Variants in SPTBN4 observed in about 807,000 individuals in gnomAD.
SPTBN4 encodes spectrin beta, non-erythrocytic 4.
In SPTBN4, 96 loss-of-function variants were observed where a neutral mutation model predicts 277.8. The ratio of observed to expected loss-of-function variants is 0.35; its 90% CI spans 0.29 to 0.41. The LOEUF is 0.41. Among genes scored for constraint, SPTBN4 ranks in the 10% least tolerant of loss-of-function variants. SPTBN4 has a pLI of 1.00. For missense variants in SPTBN4, 3,006 were observed against 3,595.7 expected (o/e 0.84, Z 4.19); for synonymous variants, 1,481 against 1,580.3 (o/e 0.94, Z 1.49).
rs2080387368 is a variant in SPTBN4 at position 40,511,206 on chromosome 19, C to T, written c.1817-1400C>T. Among the ~76,000 whole-genome samples, 3 of 151,710 alleles carry T rather than the reference C, an allele frequency of 2.0e-5. No individual in the cohort carries two copies. In the South Asian group the frequency reaches 6.3e-4, roughly 32 times the overall value. On this transcript the variant is annotated intron_variant, in intron 13 of 35. Coordinates refer to ENST00000598249, the MANE Select transcript of SPTBN4 (RefSeq NM_020971.3). ...GGATCATGAGGTCAGGAGTTCGAGA[C>T]CAGTCTGGCCAACATAGCGAAACCC...
intron 4 of SPTBN4, among the ~76,000 whole-genome samples, chr19:40,492,712 A>C (rs575073551): frequency 1.3e-5 from 2 of 152,210 alleles, no homozygotes; most frequent in East Asian, 1.9e-4. Context: ...TTAGACCAGG[A>C]AAGTGGCCCA....
chr19:40,536,907 C>A (rs1280705042), intron 20 of SPTBN4, among the ~76,000 whole-genome samples: 2 of 151,982 alleles, frequency 1.3e-5, no homozygotes, highest in Non-Finnish European at 2.9e-5. Context: ...TCCCTCAGTC[C>A]CGCAAGTAGC....
chr19:40,555,489 C>CAAAAA (rs56045928), intron 24 of SPTBN4, among the ~76,000 whole-genome samples: 66 of 74,602 alleles, frequency 8.8e-4, no homozygotes, highest in East Asian at 1.6e-3. Context: ...GACTCCGTCT[C>CAAAAA]AAAAAAAAAA....
intron 30 of SPTBN4, chr19:40,567,298 A>AAAATAAAT (rs57552574): frequency 0.039 from 5,487 of 141,810 alleles, 140 homozygotes; most frequent in Non-Finnish European, 0.046. Flanking sequence ...GACTGTCTCA[A>AAAATAAAT]AAATAAATAA....
intron 27 of SPTBN4, among the ~76,000 whole-genome samples, chr19:40,562,529 CAAAAAAAA>C (rs35366889): frequency 9.0e-5 from 5 of 55,704 alleles, no homozygotes; most frequent in Admixed American, 2.5e-4. Flanking sequence ...GACTCTGTGT[CAAAAAAAA>C]AAAAAAAAAA....
intron 2 of SPTBN4, among the ~76,000 whole-genome samples, chr19:40,474,314 G>A (rs1478559198): frequency 7.0e-6 from 1 of 143,726 alleles, no homozygotes; most frequent in Non-Finnish European, 1.6e-5. Context: ...TAAACCTTTG[G>A]AGTTTCCAAT....
rs527681591 is a variant in SPTBN4 at position 40,548,974 on chromosome 19, G to A, written c.4360-215G>A. Among the ~76,000 whole-genome samples the A allele has an allele frequency of 3.3e-5, 5 of 152,346 alleles. No homozygotes were observed. The South Asian group carries it at 1.0e-3, about 32-fold the overall frequency. ...TTGACAAGGAAGAGCATGCCTGGCA[G>A]AGGAAACAGCAAAGGCAAAGGCTCC... is the stretch of plus-strand genomic sequence containing the variant. On this transcript the variant is annotated intron_variant, in intron 20 of 35. Coordinates refer to ENST00000598249, the MANE Select transcript of SPTBN4 (RefSeq NM_020971.3).
chr19:40,547,441 T>A (rs973906696), intron 20 of SPTBN4, among the ~76,000 whole-genome samples: 1 of 152,194 alleles, frequency 6.6e-6, no homozygotes, highest in African/African-American at 2.4e-5. Flanking sequence ...GATGGACATT[T>A]GGGTTGGTTG....
intron 15 of SPTBN4, among the ~76,000 whole-genome samples, chr19:40,518,364 G>A (rs1479218429): frequency 6.6e-6 from 1 of 152,160 alleles, no homozygotes; most frequent in African/African-American, 2.4e-5. Flanking sequence ...GCTTGTTTTA[G>A]TGGGTCATAT....
rs776255822 is a variant in SPTBN4, at chr19:40,513,421, C to T, written c.2632C>T (p.Arg878Trp). 6.2e-7 allele frequency: 1 copy of T among 1,603,196 alleles called. No individual in the cohort carries two copies. The highest frequency in any genetic ancestry group is 1.3e-5 in the African/African-American group (1 of 74,990). The part of the protein sequence containing the change: ...EVAALRRQWL[R>W]DALAVYRMFG... The stretch of plus-strand genomic sequence containing the variant: ...GGCGGCGCTGAGGCGCCAGTGGCTG[C>T]GGGACGCGCTCGCTGTCTACCGCAT... The change falls in exon 14 of 36, where the codon CGG (arginine) becomes TGG (tryptophan). Residue 878 changes from arginine to tryptophan, a missense_variant. By Grantham distance (101) the Arg-to-Trp change is moderately radical (BLOSUM62 -3). This residue lies in a region of SPTBN4 where 1,759 missense variants were observed against 2,061.5 expected (regional missense o/e 0.85). Transcript: ENST00000598249.
intron 27 of SPTBN4, among the ~76,000 whole-genome samples, chr19:40,563,485 A>G (rs2081063143): frequency 6.6e-6 from 1 of 152,164 alleles, no homozygotes; most frequent in Admixed American, 6.5e-5. Context: ...TGGCCATACT[A>G]ACAAAGCAAA....
At chr19:40,525,344 C>T (rs2080578259) in intron 17 of SPTBN4, among the ~76,000 whole-genome samples, 1 of 129,262 alleles carries the variant, frequency 7.7e-6, no homozygotes, top group Admixed American at 8.4e-5. Flanking sequence ...TTTTTTGAGA[C>T]AGGGATCTTA....
At chr19:40,527,285 C>T (rs1428350163) in intron 17 of SPTBN4, among the ~76,000 whole-genome samples, 2 of 152,074 alleles carry the variant, frequency 1.3e-5, no homozygotes, top group Non-Finnish European at 2.9e-5. Context: ...TTTGTTTCTC[C>T]CATCTTTTTT....
chr19:40,563,211 TA>T (rs112765242), intron 27 of SPTBN4, among the ~76,000 whole-genome samples: 5 of 151,588 alleles, frequency 3.3e-5, no homozygotes, highest in East Asian at 1.9e-4. Flanking sequence ...GATTCTGTCT[TA>T]AAAAAAAATT....
At chr19:40,531,876 G>A (rs959707029) in intron 18 of SPTBN4, among the ~76,000 whole-genome samples, 2 of 151,942 alleles carry the variant, frequency 1.3e-5, no homozygotes, top group Non-Finnish European at 2.9e-5. Flanking sequence ...ACACAGCTTT[G>A]TTTTTCACAT....
In SPTBN4 at chr19:40,519,698, C is replaced by A; in HGVS notation, c.3201C>A (p.Gly1067=). ...ARLHQGAEEL[G]AEWGALASAA... Reference sequence around the variant, plus strand: ...TGCACCAGGGCGCGGAGGAGCTGGGCGCCGAGTGGGGCGCGCTAGCTAGCG... The same window carrying A: ...TGCACCAGGGCGCGGAGGAGCTGGGAGCCGAGTGGGGCGCGCTAGCTAGCG... The change falls in exon 16 of 36, where the codon GGC becomes GGA. Residue 1067 remains glycine (G), a synonymous_variant. Transcript: ENST00000598249. This position sits in a 1 kb window ranked among gnomAD's most constrained non-coding sequence, Gnocchi z 5.7. The A allele has an allele frequency of 7.2e-7, 1 of 1,388,578 alleles. No homozygotes were observed. The highest frequency in any genetic ancestry group is 9.2e-7 in the Non-Finnish European group (1 of 1,082,306). The allele number at this position is 1,388,578 out of a possible 1,614,324, so 86.0% of individuals were successfully genotyped here. A position where few individuals can be genotyped will look rare whatever the true frequency, so the allele number is the denominator to read the frequency against.
Position 40,519,970 on chromosome 19 carries a change from C to T in SPTBN4, c.3473C>T (p.Ala1158Val). 6 of 1,538,874 alleles carry T rather than the reference C, an allele frequency of 3.9e-6. No homozygotes were observed. The highest frequency in any genetic ancestry group is 5.2e-6 in the Non-Finnish European group (6 of 1,150,130). The change falls in exon 16 of 36, where the codon GCC becomes GTC. Residue 1158 changes from alanine to valine, a missense_variant. Physicochemically the swap from Ala to Val is moderately conservative, Grantham distance 64 (BLOSUM62 0). Around this residue, in one of 5 missense-constraint regions of SPTBN4, gnomAD observed 1,759 missense variants for 2,061.5 expected, o/e 0.85. Coordinates refer to ENST00000598249, the MANE Select transcript of SPTBN4 (RefSeq NM_020971.3). The surrounding 1 kb of genome is among the most constrained non-coding windows in gnomAD (Gnocchi z 5.7). ...RIVAASEALL[A>V]ADGAELGPGL... Reference sequence around the variant, plus strand: ...GTGGCGGCCAGCGAGGCGCTGCTGGCCGCCGACGGCGCAGAGCTGGGCCCG... The same window carrying T: ...GTGGCGGCCAGCGAGGCGCTGCTGGTCGCCGACGGCGCAGAGCTGGGCCCG...
intron 20 of SPTBN4, among the ~76,000 whole-genome samples, chr19:40,539,732 C>T (rs1473490858): frequency 2.7e-5 from 4 of 150,674 alleles, no homozygotes; most frequent in African/African-American, 9.8e-5. Context: ...CACCCACCTC[C>T]GCCTCCCAAA....
intron 17 of SPTBN4, 74 bp from the exon 18 acceptor site, chr19:40,528,967 C>T: frequency 8.8e-7 from 1 of 1,137,736 alleles, no homozygotes; most frequent in Middle Eastern, 2.0e-4. Context: ...AGCCCAGTGC[C>T]CTCACAGTCC....
Sources: allele counts gnomAD v4.1 joint callset (sites outside exome capture counted in the v4.1 genomes callset), GRCh38; gene constraint gnomAD v4.1.1; regional missense constraint gnomAD v4.1.1; non-coding constraint Gnocchi (gnomAD v3.1); transcripts MANE v1.5; gene names NCBI Gene and HGNC (gene_info 2026-07-23, HGNC 2026-07-21).